The following STK33 variants were observed in gnomAD, a reference collection of about 807,000 sequenced individuals.
The protein encoded by STK33 is serine/threonine-protein kinase 33.
In STK33, 52 loss-of-function variants were observed where a neutral mutation model predicts 58.0. That is an observed-to-expected ratio of 0.90 (90% CI 0.72 to 1.13). The LOEUF is 1.13. STK33 is among the 50% of genes most tolerant of loss of function. The pLI, the probability that STK33 is intolerant of heterozygous loss-of-function variation, is 0.00. For missense variants in STK33, 630 were observed against 604.2 expected (o/e 1.04, Z -0.45); for synonymous variants, 215 against 200.1 (o/e 1.07, Z -0.63).
intron 1 of STK33, among the ~76,000 whole-genome samples, chr11:8,577,627 T>C (rs958395629): frequency 1.3e-5 from 2 of 152,088 alleles, no homozygotes; most frequent in Admixed American, 6.6e-5. Context: ...ACTTACTCAG[T>C]AACAGGAAAA....
intron 1 of STK33, among the ~76,000 whole-genome samples, chr11:8,508,483 G>A (rs1952046632): frequency 6.6e-6 from 1 of 151,770 alleles, no homozygotes; most frequent in South Asian, 2.1e-4. Flanking sequence ...TGTTGCCCAG[G>A]CTATTCTCAA....
Position 8,436,110 on chromosome 11 carries a change from C to A in STK33, c.977G>T (p.Ser326Ile). 3 of 1,585,822 alleles carry A rather than the reference C, an allele frequency of 1.9e-6. No individual in the cohort carries two copies. The highest frequency in any genetic ancestry group is 2.6e-6 in the Non-Finnish European group (3 of 1,167,178). ...LLRGEPPFLA[S>I]SEEKLFELIR... is the part of the protein sequence containing the mutation. ...TAACTCAAAAAGCTTCTCTTCTGAG[C>A]TTGCCAAAAAGGGTGGTTCTCCACG... Residue 326 changes from serine to isoleucine, a missense_variant, in exon 13 of 16, where the codon AGC (serine) becomes ATC (isoleucine). Ser to Ile is a moderately radical substitution (Grantham distance 142). Transcript: ENST00000687296.
At chr11:8,343,801 C>G in the STK33 span, among the ~76,000 whole-genome samples, 1 of 152,178 alleles carries the variant, frequency 6.6e-6, no homozygotes, top group African/African-American at 2.4e-5. Context: ...CTCCTTAGCC[C>G]TCGAGGGCAG....
intron 1 of STK33, among the ~76,000 whole-genome samples, chr11:8,497,616 A>ACATGCCAC (rs1287436080): frequency 6.6e-6 from 1 of 152,096 alleles, no homozygotes; most frequent in African/African-American, 2.4e-5. Context: ...GACTACAGGC[A>ACATGCCAC]CATGCCACCA....
chr11:8,478,090 G>A (rs969877515), intron 2 of STK33, among the ~76,000 whole-genome samples: 5 of 152,090 alleles, frequency 3.3e-5, no homozygotes. Flanking sequence ...TAGAACAAAT[G>A]TTTACTCACA....
At chr11:8,339,734 G>A in the STK33 span, among the ~76,000 whole-genome samples, 1 of 152,242 alleles carries the variant, frequency 6.6e-6, no homozygotes, top group Non-Finnish European at 1.5e-5. Context: ...TCACCTGGCC[G>A]TGGTCGCCAC....
intron 1 of STK33, among the ~76,000 whole-genome samples, chr11:8,549,125 T>TA (rs1956137868): frequency 6.6e-6 from 1 of 152,202 alleles, no homozygotes; most frequent in African/African-American, 2.4e-5. Context: ...ATATGGTCTT[T>TA]ATTGATTTCA....
chr11:8,394,280 T>A (rs115868582), intron 15 of STK33, among the ~76,000 whole-genome samples: 1,628 of 152,320 alleles, frequency 0.011, 35 homozygotes, highest in African/African-American at 0.036. Flanking sequence ...CTTTGTTTAG[T>A]ACAGTGCTGG....
intron 1 of STK33, among the ~76,000 whole-genome samples, chr11:8,510,783 T>C (rs1026998089): frequency 3.3e-5 from 5 of 152,186 alleles, no homozygotes; most frequent in African/African-American, 1.2e-4. Flanking sequence ...TTTATGTTTT[T>C]GTATGCTTTG....
the STK33 span, among the ~76,000 whole-genome samples, chr11:8,370,617 A>G: frequency 7.0e-4 from 107 of 152,346 alleles, no homozygotes; most frequent in African/African-American, 2.5e-3. Context: ...TACGGGGCCC[A>G]GACCTCCAAC....
At chr11:8,338,579 C>A in the STK33 span, among the ~76,000 whole-genome samples, 1 of 152,094 alleles carries the variant, frequency 6.6e-6, no homozygotes, top group Non-Finnish European at 1.5e-5. Flanking sequence ...CCCAGGGCTG[C>A]CACGCACCTC....
rs1453695786 is a variant in STK33 at position 8,474,664 on chromosome 11, G to A, written c.225+17C>T. 1 of 1,575,554 alleles carries A rather than the reference G, an allele frequency of 6.3e-7. No homozygotes were observed. Among genetic ancestry groups the A allele is most frequent in the Non-Finnish European group, 8.6e-7 (1 of 1,157,098 alleles). ...GGATGTCAACTTGTGCTTAGATGTG[G>A]AATCTTTGATATTTACCAAATCTTT... is the stretch of plus-strand genomic sequence containing the variant. On this transcript the variant is annotated intron_variant, in intron 5 of 15. Transcript: ENST00000687296.
At chr11:8,496,118 GAAAAGA>G (rs1224983767) in intron 1 of STK33, among the ~76,000 whole-genome samples, 2 of 148,870 alleles carry the variant, frequency 1.3e-5, no homozygotes, top group African/African-American at 2.6e-5. Flanking sequence ...TTTTGAAAAA[GAAAAGA>G]AAAAGAAAAA....
intron 15 of STK33, among the ~76,000 whole-genome samples, chr11:8,402,510 A>G (rs531869710): frequency 2.0e-5 from 3 of 152,188 alleles, no homozygotes; most frequent in Non-Finnish European, 4.4e-5. Flanking sequence ...GATACACCTA[A>G]TGTTAAATGA....
rs994937584 is a variant in STK33 at position 8,407,618 on chromosome 11, G to C, written c.1344+5877C>G. Among the ~76,000 whole-genome samples, 7 of 151,982 alleles carry C rather than the reference G, an allele frequency of 4.6e-5. No homozygotes were observed. In the South Asian group the frequency reaches 1.2e-3, roughly 27 times the overall value. On this transcript the variant is annotated intron_variant, in intron 15 of 15. Coordinates refer to ENST00000687296, the MANE Select transcript of STK33 (RefSeq NM_001352389.2). Reference sequence around the variant, plus strand: ...AAATTTCTCAATGTACTGGCATTAAGTCATTAAGAGCCAGTAAGCCTGAAG... The same window carrying C: ...AAATTTCTCAATGTACTGGCATTAACTCATTAAGAGCCAGTAAGCCTGAAG...
chr11:8,493,297 C>T (rs1950786008), intron 1 of STK33, among the ~76,000 whole-genome samples: 2 of 151,782 alleles, frequency 1.3e-5, no homozygotes, highest in African/African-American at 4.8e-5. Flanking sequence ...TACAAACTAC[C>T]ATCAGAGAAT....
intron 15 of STK33, among the ~76,000 whole-genome samples, chr11:8,397,760 C>T (rs1405144845): frequency 2.0e-5 from 3 of 152,074 alleles, no homozygotes; most frequent in South Asian, 2.1e-4. Context: ...GCACAGAAGT[C>T]GTTAAAGGAC....
the STK33 span, among the ~76,000 whole-genome samples, chr11:8,347,560 A>G: frequency 2.6e-5 from 4 of 152,232 alleles, no homozygotes; most frequent in African/African-American, 9.6e-5. Flanking sequence ...GCTGGTGACT[A>G]CAGCCGAGAG....
At chr11:8,578,315 T>C (rs1360252235) in intron 1 of STK33, among the ~76,000 whole-genome samples, 1 of 152,058 alleles carries the variant, frequency 6.6e-6, no homozygotes, top group Non-Finnish European at 1.5e-5. Context: ...AAGTTACTTT[T>C]TACAGCATCA....
Sources: gnomAD v4.1 joint callset for allele counts (sites outside exome capture counted in the v4.1 genomes callset) on GRCh38, gnomAD v4.1.1 for gene constraint, MANE v1.5 for transcripts, NCBI Gene and HGNC (gene_info 2026-07-23, HGNC 2026-07-21) for gene names.